The following SUPT3H variants were observed in gnomAD, a reference collection of about 807,000 sequenced individuals.
The protein encoded by SUPT3H is SPT3 homolog, SAGA and STAGA complex component.
A neutral mutation model predicts 44.3 loss-of-function variants in SUPT3H; 44 were observed. The ratio of observed to expected loss-of-function variants is 0.99; its 90% CI spans 0.78 to 1.28. The LOEUF (loss-of-function observed/expected upper bound fraction) is 1.28. SUPT3H is among the 50% of genes most tolerant of loss of function. SUPT3H has a pLI of 0.00. For synonymous variants in SUPT3H, 124 were observed against 125.6 expected, an observed-to-expected ratio of 0.99 and a Z score of 0.09; for missense variants, 380 against 387.1, an observed-to-expected ratio of 0.98 and a Z score of 0.15.
chr6:44,870,161 C>T (rs1163095051), intron 10 of SUPT3H, among the ~76,000 whole-genome samples: 1 of 152,140 alleles, frequency 6.6e-6, no homozygotes, highest in African/African-American at 2.4e-5. Context: ...CTTTCAACAA[C>T]TAACAAGTTA....
intron 2 of SUPT3H, among the ~76,000 whole-genome samples, chr6:45,152,005 T>C (rs910116002): frequency 1.3e-5 from 2 of 152,122 alleles, no homozygotes; most frequent in Non-Finnish European, 2.9e-5. Context: ...CTTCTATATC[T>C]ACATATACTT....
chr6:44,905,517 A>G lies in SUPT3H; in HGVS notation c.912+27136T>C, dbSNP rs1008340491. ...ATGGCAATCATTAAAAAGTCAGGAAACAACAGGTGCTGGAGAGGATGTGGA... is the reference window on the plus strand; with the variant it reads ...ATGGCAATCATTAAAAAGTCAGGAAGCAACAGGTGCTGGAGAGGATGTGGA... On this transcript the variant is annotated intron_variant, in intron 10 of 10. Transcript: ENST00000371459. 6.0e-5 allele frequency among the ~76,000 whole-genome samples: 9 copies of G among 151,090 alleles called. No homozygotes were observed. In the East Asian group the frequency reaches 1.2e-3, roughly 20 times the overall value.
chr6:45,346,433 T>A (rs574888572), intron 2 of SUPT3H, among the ~76,000 whole-genome samples: 6 of 152,198 alleles, frequency 3.9e-5, no homozygotes, highest in African/African-American at 1.4e-4. Flanking sequence ...AGCACAGAGA[T>A]ACAATACAGT....
intron 10 of SUPT3H, among the ~76,000 whole-genome samples, chr6:44,856,650 C>T (rs1773786749): frequency 6.6e-6 from 1 of 152,122 alleles, no homozygotes; most frequent in African/African-American, 2.4e-5. Context: ...TAGCAATAGC[C>T]ACAGCTATTA....
intron 6 of SUPT3H, among the ~76,000 whole-genome samples, chr6:44,963,176 G>A (rs1776292056): frequency 6.6e-6 from 1 of 151,708 alleles, no homozygotes; most frequent in Non-Finnish European, 1.5e-5. Context: ...ATATATGTAT[G>A]TAAACATCTT....
chr6:44,818,462 T>G (rs761040444), intron 11 of SUPT3H, among the ~76,000 whole-genome samples: 1 of 152,172 alleles, frequency 6.6e-6, no homozygotes, highest in African/African-American at 2.4e-5. Flanking sequence ...GAATAAAAAT[T>G]GATAACTTTG....
chr6:45,322,876 C>T (rs1272784749), intron 2 of SUPT3H: 2 of 1,611,890 alleles, frequency 1.2e-6, no homozygotes, highest in Non-Finnish European at 1.7e-6. Flanking sequence ...GCCTCTGTCT[C>T]ACCTGTCAAA....
At chr6:45,081,586 T>A (rs770896199) in intron 3 of SUPT3H, among the ~76,000 whole-genome samples, 35 of 152,230 alleles carry the variant, frequency 2.3e-4, no homozygotes, top group Middle Eastern at 3.4e-3. Context: ...TATCAATAAG[T>A]CTTTGATGAG....
chr6:45,049,599 T>G (rs1258016770), intron 3 of SUPT3H, among the ~76,000 whole-genome samples: 1 of 152,186 alleles, frequency 6.6e-6, no homozygotes, highest in Non-Finnish European at 1.5e-5. Flanking sequence ...AAACTCACAG[T>G]TGCGCCAACT....
chr6:45,011,670 A>T (rs1393686845), intron 5 of SUPT3H, among the ~76,000 whole-genome samples: 1 of 152,114 alleles, frequency 6.6e-6, no homozygotes, highest in Non-Finnish European at 1.5e-5. Context: ...GAAATATACA[A>T]TTATACTATC....
At chr6:45,072,501 C>T (rs1261394159) in intron 3 of SUPT3H, among the ~76,000 whole-genome samples, 3 of 151,842 alleles carry the variant, frequency 2.0e-5, no homozygotes, top group Non-Finnish European at 4.4e-5. Flanking sequence ...AGGTAGAAAA[C>T]AAAAAACTAG....
At chr6:45,043,504 G>C (rs1788915103) in intron 3 of SUPT3H, among the ~76,000 whole-genome samples, 1 of 152,084 alleles carries the variant, frequency 6.6e-6, no homozygotes, top group South Asian at 2.1e-4. Context: ...AGGGAGCAAT[G>C]ATGAGACTTA....
intron 2 of SUPT3H, among the ~76,000 whole-genome samples, chr6:45,111,802 C>T (rs1283057060): frequency 1.3e-5 from 2 of 151,964 alleles, no homozygotes; most frequent in African/African-American, 4.8e-5. Context: ...GCCCCCCCAC[C>T]CCCACTCAGG....
chr6:44,813,952 C>T (rs1050572731), intron 11 of SUPT3H, among the ~76,000 whole-genome samples: 1 of 151,770 alleles, frequency 6.6e-6, no homozygotes, highest in Non-Finnish European at 1.5e-5. Context: ...CTAAAAAAAT[C>T]GATGAAAAAT....
At chr6:45,068,660 A>T (rs1793847351) in intron 3 of SUPT3H, among the ~76,000 whole-genome samples, 1 of 152,102 alleles carries the variant, frequency 6.6e-6, no homozygotes, top group African/African-American at 2.4e-5. Context: ...TTTCCCTCTG[A>T]GCCCAGGCTT....
intron 10 of SUPT3H, among the ~76,000 whole-genome samples, chr6:44,852,588 T>C (rs773476389): frequency 1.4e-4 from 21 of 152,182 alleles, no homozygotes; most frequent in Admixed American, 2.6e-4. Context: ...ACAAGAGAAA[T>C]AGTATTCATG....
chr6:45,152,545 GC>G, intron 2 of SUPT3H, among the ~76,000 whole-genome samples: 1 of 152,152 alleles, frequency 6.6e-6, no homozygotes, highest in Non-Finnish European at 1.5e-5. Flanking sequence ...AGGCTAGAGT[GC>G]AGTAGTCCTA....
At chr6:45,085,790 T>A (rs1440690728) in intron 3 of SUPT3H, among the ~76,000 whole-genome samples, 2 of 152,114 alleles carry the variant, frequency 1.3e-5, no homozygotes, top group African/African-American at 4.8e-5. Flanking sequence ...GAATACTGGA[T>A]GATTAATAAG....
intron 6 of SUPT3H, among the ~76,000 whole-genome samples, chr6:44,972,222 C>G (rs1777680544): frequency 6.6e-6 from 1 of 152,126 alleles, no homozygotes; most frequent in Non-Finnish European, 1.5e-5. Flanking sequence ...GTGGTACAGG[C>G]ATTGGGTAAA....
Sources: allele counts gnomAD v4.1 joint callset (sites outside exome capture counted in the v4.1 genomes callset), GRCh38; gene constraint gnomAD v4.1.1; transcripts MANE v1.5; gene names NCBI Gene and HGNC (gene_info 2026-07-23, HGNC 2026-07-21).